Variants in CSMD1 observed in about 807,000 individuals in gnomAD.
The protein encoded by CSMD1 is CUB and sushi domain-containing protein 1.
Under a neutral mutation model 417.5 loss-of-function variants are expected in CSMD1, and 213 were observed. The observed-to-expected ratio is 0.51, with a 90% CI of 0.46 to 0.57. The LOEUF (loss-of-function observed/expected upper bound fraction) is 0.57. CSMD1 is among the 20% of genes least tolerant of loss of function. CSMD1 has a pLI of 0.00. For synonymous variants in CSMD1, 2,862 were observed against 1,736.8 expected (o/e 1.65, Z -16.11); for missense variants, 6,923 against 4,529.7 (o/e 1.53, Z -15.17).
chr8:4,619,758 G>C (rs1209156945), intron 2 of CSMD1, among the ~76,000 whole-genome samples: 1 of 152,046 alleles, frequency 6.6e-6, no homozygotes, highest in Non-Finnish European at 1.5e-5. Flanking sequence ...GAAGAACTTG[G>C]AAAACCAGGC....
intron 3 of CSMD1, among the ~76,000 whole-genome samples, chr8:4,377,034 G>A (rs915527691): frequency 2.6e-5 from 4 of 152,150 alleles, no homozygotes; most frequent in African/African-American, 4.8e-5. Context: ...GGATGGCCTC[G>A]TCGGTTTCAG....
chr8:4,126,957 C>G (rs1257621435), intron 3 of CSMD1, among the ~76,000 whole-genome samples: 2 of 151,934 alleles, frequency 1.3e-5, no homozygotes, highest in South Asian at 4.2e-4. Flanking sequence ...CAGGTGAGGA[C>G]CTACACTGTC....
chr8:4,683,865 G>C (rs944933023), intron 1 of CSMD1, among the ~76,000 whole-genome samples: 1 of 152,180 alleles, frequency 6.6e-6, no homozygotes, highest in African/African-American at 2.4e-5. Flanking sequence ...TGTTCATTTG[G>C]ATCACTAATT....
intron 7 of CSMD1, among the ~76,000 whole-genome samples, chr8:3,690,079 C>T (rs1408669714): frequency 6.6e-6 from 1 of 152,176 alleles, no homozygotes; most frequent in Non-Finnish European, 1.5e-5. Context: ...TTGATCTAGG[C>T]TGCGCGTAGT....
intron 41 of CSMD1, among the ~76,000 whole-genome samples, chr8:3,126,548 A>G (rs1339315646): frequency 6.6e-6 from 1 of 152,208 alleles, no homozygotes; most frequent in Non-Finnish European, 1.5e-5. Context: ...GTAGCATGTC[A>G]GCCATGAATG....
At chr8:2,948,476 T>A (rs898327232) in intron 68 of CSMD1, among the ~76,000 whole-genome samples, 2 of 152,170 alleles carry the variant, frequency 1.3e-5, no homozygotes, top group African/African-American at 4.8e-5. Context: ...TACCTGTCTA[T>A]GTAGAATAAG....
At chr8:4,416,105 G>C (rs950390600) in intron 3 of CSMD1, among the ~76,000 whole-genome samples, 6 of 152,106 alleles carry the variant, frequency 3.9e-5, no homozygotes, top group Non-Finnish European at 7.4e-5. Flanking sequence ...GAAAAATTGT[G>C]TCCTATCTGT....
chr8:4,165,646 T>C (rs896514640), intron 3 of CSMD1, among the ~76,000 whole-genome samples: 3 of 152,162 alleles, frequency 2.0e-5, no homozygotes, highest in Admixed American at 6.5e-5. Context: ...CAAGGGATCA[T>C]TGAACCTTGG....
chr8:4,038,949 G>C (rs2130620860), intron 3 of CSMD1, among the ~76,000 whole-genome samples: 1 of 152,272 alleles, frequency 6.6e-6, no homozygotes, highest in African/African-American at 2.4e-5. Flanking sequence ...TCACAATTCA[G>C]TGACTTAATT....
At chr8:4,364,477 T>G (rs1170407958) in intron 3 of CSMD1, among the ~76,000 whole-genome samples, 1 of 152,290 alleles carries the variant, frequency 6.6e-6, no homozygotes, top group East Asian at 1.9e-4. Context: ...GTAATACAAT[T>G]TCCTCTCTTG....
intron 3 of CSMD1, among the ~76,000 whole-genome samples, chr8:4,097,973 G>C (rs552414352): frequency 2.0e-4 from 30 of 152,238 alleles, no homozygotes; most frequent in Admixed American, 1.8e-3. Flanking sequence ...TTATTTTTTA[G>C]AATCTGTGGA....
At chr8:3,821,922 G>A (rs77341202) in intron 5 of CSMD1, among the ~76,000 whole-genome samples, 4,828 of 152,304 alleles carry the variant, frequency 0.032, 111 homozygotes, top group Middle Eastern at 0.051. Flanking sequence ...ATGCGATGAA[G>A]ACAACATGGA....
intron 2 of CSMD1, among the ~76,000 whole-genome samples, chr8:4,486,200 CATACATATATATATATATATATATACAT>C (rs1801392646): frequency 1.0e-4 from 1 of 9,806 alleles, no homozygotes; most frequent in African/African-American, 3.6e-4. Context: ...TATATATATA[CATACATATATATATATATATATATACAT>C]ACATATATAT....
At chr8:4,202,743 G>A (rs150429774) in intron 3 of CSMD1, among the ~76,000 whole-genome samples, 4 of 152,176 alleles carry the variant, frequency 2.6e-5, no homozygotes, top group African/African-American at 4.8e-5. Context: ...ATAACTAAGT[G>A]TTACAAAGGG....
intron 1 of CSMD1, among the ~76,000 whole-genome samples, chr8:4,897,721 T>C (rs900474612): frequency 6.6e-6 from 1 of 152,138 alleles, no homozygotes; most frequent in Non-Finnish European, 1.5e-5. Context: ...TATCTGCGTA[T>C]TGAAGAATAA....
chr8:3,905,602 C>G (rs1342512936), intron 5 of CSMD1, among the ~76,000 whole-genome samples: 1 of 152,222 alleles, frequency 6.6e-6, no homozygotes, highest in Non-Finnish European at 1.5e-5. Context: ...CCCAGAGTTT[C>G]CACTTCAGTG....
In CSMD1 at chr8:3,585,076, C is replaced by T. The variant is rs539362385; in HGVS notation, c.1222+1060G>A. Among the ~76,000 whole-genome samples, 21 of 152,230 alleles carry T rather than the reference C, an allele frequency of 1.4e-4. No individual in the cohort carries two copies. The East Asian group carries it at 3.3e-3, about 24-fold the overall frequency. On this transcript the variant is annotated intron_variant, in intron 9 of 69. Transcript: ENST00000635120. ...CAGCTGGGCCATACACCCTCCCTCC[C>T]CTTCCGGTGGGGCGGGTCCTGCAAA...
chr8:3,368,368 G>A (rs751101666), intron 19 of CSMD1, among the ~76,000 whole-genome samples: 8 of 152,016 alleles, frequency 5.3e-5, no homozygotes, highest in African/African-American at 7.3e-5. Context: ...ATAGAGTCTC[G>A]CTCTATCTCC....
chr8:4,189,791 A>G (rs1371871131), intron 3 of CSMD1, among the ~76,000 whole-genome samples: 1 of 152,216 alleles, frequency 6.6e-6, no homozygotes, highest in African/African-American at 2.4e-5. Flanking sequence ...GGATAATTTT[A>G]TCTTGTTGCC....
Sources: allele counts gnomAD v4.1 joint callset (sites outside exome capture counted in the v4.1 genomes callset), GRCh38; gene constraint gnomAD v4.1.1; transcripts MANE v1.5; gene names NCBI Gene and HGNC (gene_info 2026-07-23, HGNC 2026-07-21).